The following PARP12 variants were observed in gnomAD, a reference collection of about 807,000 sequenced individuals.
The protein encoded by PARP12 is protein mono-ADP-ribosyltransferase PARP12.
PARP12 carries 59 observed loss-of-function variants against 72.4 expected under a neutral mutation model. The ratio of observed to expected loss-of-function variants is 0.81; its 90% CI spans 0.66 to 1.01. The LOEUF (loss-of-function observed/expected upper bound fraction) is 1.01, where lower values mean the gene tolerates loss of function less well. Among genes scored for constraint, PARP12 ranks in the 50% least tolerant of loss-of-function variants. The pLI, the probability that PARP12 is intolerant of heterozygous loss-of-function variation, is 0.00. For missense variants in PARP12, 851 were observed against 914.0 expected, an observed-to-expected ratio of 0.93 and a Z score of 0.89; for synonymous variants, 403 against 371.4, an observed-to-expected ratio of 1.09 and a Z score of -0.98.
chr7:140,025,149 C>T (rs745336910), intron 11 of PARP12: 13 of 480,008 alleles, frequency 2.7e-5, no homozygotes, highest in South Asian at 8.9e-5. Flanking sequence ...ATCTGCCCCA[C>T]GAAACCTAAA....
At chr7:140,045,410 G>A (rs956651678) in intron 5 of PARP12, among the ~76,000 whole-genome samples, 5 of 152,240 alleles carry the variant, frequency 3.3e-5, no homozygotes, top group East Asian at 1.9e-4. Flanking sequence ...ACCTTGTGAC[G>A]TAGAAACTAT....
At chr7:140,035,586 T>C (rs2116544940) in intron 7 of PARP12, among the ~76,000 whole-genome samples, 1 of 152,340 alleles carries the variant, frequency 6.6e-6, no homozygotes, top group South Asian at 2.1e-4. Flanking sequence ...TCTGGAATCC[T>C]GGCATTTGCC....
At chr7:140,041,133 G>A (rs1287622292) in intron 6 of PARP12, among the ~76,000 whole-genome samples, 1 of 152,192 alleles carries the variant, frequency 6.6e-6, no homozygotes, top group South Asian at 2.1e-4. Context: ...AAACACCTGC[G>A]AAGAATTGAC....
chr7:140,041,656 T>C lies in PARP12; in HGVS notation c.1170A>G (p.Glu390=). The C allele has an allele frequency of 6.2e-7, 1 of 1,613,930 alleles. No individual in the cohort carries two copies. Among genetic ancestry groups the C allele is most frequent in the Non-Finnish European group, 8.5e-7 (1 of 1,179,886 alleles). ...CCATCACACTTACCTGTCTTCCATA[T>C]TCCTGCCAAGAACCAAACTCATCAC... ...YWSDEFGSWQ[E]YGRQGTVHPV... Residue 390 remains glutamate (E), a synonymous_variant, in exon 6 of 12, where the codon GAA becomes GAG. Transcript: ENST00000263549.
At chr7:140,036,392 T>C (rs975674504) in intron 7 of PARP12, among the ~76,000 whole-genome samples, 1 of 152,126 alleles carries the variant, frequency 6.6e-6, no homozygotes, top group Admixed American at 6.5e-5. Flanking sequence ...CATGCACTGG[T>C]GTGTGTCAGG....
At chr7:140,037,575 A>C in intron 7 of PARP12, 140 bp downstream of exon 7, 5 of 1,163,468 alleles carry the variant, frequency 4.3e-6, no homozygotes, top group Non-Finnish European at 6.1e-6. Context: ...CTCCAGGTCT[A>C]CCTTGGACCT....
chr7:140,040,792 C>T (rs1206124185), intron 6 of PARP12, among the ~76,000 whole-genome samples: 3 of 152,222 alleles, frequency 2.0e-5, no homozygotes, highest in Non-Finnish European at 2.9e-5. Flanking sequence ...GAGATGGAAT[C>T]TCGCTCTTTC....
Position 140,024,464 on chromosome 7 carries a change from C to T in PARP12, c.*96G>A. 1 of 1,210,714 alleles carries T rather than the reference C, an allele frequency of 8.3e-7. No individual in the cohort carries two copies. The highest frequency in any genetic ancestry group is 1.2e-6 in the Non-Finnish European group (1 of 835,660). 75.0% of individuals were successfully genotyped at this position (1,210,714 alleles called of 1,614,324 possible). ...CATTGAGAGGTCAATGTTAAGAGAA[C>T]AGTTCATTAAAAGTTTCTGTTTAAA... On this transcript the variant is annotated 3_prime_UTR_variant, in exon 12 of 12. Coordinates refer to ENST00000263549, the MANE Select transcript of PARP12 (RefSeq NM_022750.4).
At chr7:140,037,683 G>T in intron 7 of PARP12, 32 bp downstream of exon 7, 1 of 1,608,988 alleles carries the variant, frequency 6.2e-7, no homozygotes, top group Non-Finnish European at 8.5e-7. Flanking sequence ...ACACAGGCAG[G>T]CTCTGCTGGG....
At chr7:140,045,830 G>C (rs1240129697) in intron 5 of PARP12, among the ~76,000 whole-genome samples, 2 of 152,172 alleles carry the variant, frequency 1.3e-5, no homozygotes, top group African/African-American at 4.8e-5. Context: ...TCCTCTGCCG[G>C]GAAGTGTCTG....
At chr7:140,049,130 A>G (rs1816853417) in intron 4 of PARP12, among the ~76,000 whole-genome samples, 1 of 151,850 alleles carries the variant, frequency 6.6e-6, no homozygotes, top group Admixed American at 6.6e-5. Flanking sequence ...CCCATGGAGG[A>G]GGGTGGGAGG....
intron 7 of PARP12, among the ~76,000 whole-genome samples, chr7:140,036,170 T>G (rs1302746703): frequency 6.6e-6 from 1 of 152,174 alleles, no homozygotes; most frequent in African/African-American, 2.4e-5. Flanking sequence ...CCATCCCTAT[T>G]ATGAGGTTCT....
intron 4 of PARP12, among the ~76,000 whole-genome samples, chr7:140,049,169 G>A (rs1816856673): frequency 6.6e-6 from 1 of 152,148 alleles, no homozygotes; most frequent in Non-Finnish European, 1.5e-5. Context: ...TCAGGTATGG[G>A]GCCGAGCAGA....
intron 4 of PARP12, among the ~76,000 whole-genome samples, chr7:140,049,044 A>G (rs961038034): frequency 9.9e-5 from 15 of 152,230 alleles, no homozygotes; most frequent in Non-Finnish European, 2.1e-4. Context: ...ATTTTCTAAA[A>G]TTGTGTGCAT....
rs1389723812 is a variant in PARP12 at position 140,037,845 on chromosome 7, G to A, written c.1194C>T (p.His398=). 1 of 1,608,522 alleles carries A rather than the reference G, an allele frequency of 6.2e-7. No homozygotes were observed. Among genetic ancestry groups the A allele is most frequent in the Non-Finnish European group, 8.5e-7 (1 of 1,175,318 alleles). Residue 398 remains histidine, a synonymous_variant, in exon 7 of 12, where the codon CAC becomes CAT. Coordinates refer to ENST00000263549, the MANE Select transcript of PARP12 (RefSeq NM_022750.4). ...WQEYGRQGTV[H]PVTTVSSSDV... ...CGCTACTGCTGACAGTGGTCACAGGGTGCACCGTGCCCTGCGATGGAAAGC... is the reference window on the plus strand; with the variant it reads ...CGCTACTGCTGACAGTGGTCACAGGATGCACCGTGCCCTGCGATGGAAAGC...
At chr7:140,052,533 T>C (rs1817006700) in intron 4 of PARP12, among the ~76,000 whole-genome samples, 1 of 152,212 alleles carries the variant, frequency 6.6e-6, no homozygotes, top group Non-Finnish European at 1.5e-5. Flanking sequence ...TGTTCTTGCT[T>C]CAACTGCAGC....
chr7:140,030,598 A>AC (rs1815902741), intron 8 of PARP12, among the ~76,000 whole-genome samples: 1 of 142,300 alleles, frequency 7.0e-6, no homozygotes, highest in Non-Finnish European at 1.5e-5. Flanking sequence ...TCCATCTCAA[A>AC]ATACATACAT....
Position 140,035,993 on chromosome 7 carries a change from GAGGAGGAGAAGGAGGAGAAGGAGGAGA to G in PARP12, c.1325-1689_1325-1663del, listed in dbSNP as rs1167834142. Among the ~76,000 whole-genome samples the G allele has an allele frequency of 2.7e-3, 146 of 54,100 alleles. 19 individuals carry two copies. Among genetic ancestry groups the G allele is most frequent in the African/African-American group, 0.014 (85 of 5,926 alleles). The allele number at this position is 54,100 out of a possible 152,430, so 35.5% of individuals were successfully genotyped here. ...GGACGAGGAGGAGGAGGAGGAGGAGGAGGAGGAGAAGGAGGAGAAGGAGGAGAAGGAGGAGAAGGAGGAGAAGGAGGA... is the reference window on the plus strand; with the variant it reads ...GGACGAGGAGGAGGAGGAGGAGGAGGAGGAGGAGAAGGAGGAGAAGGAGGA... On this transcript the variant is annotated intron_variant, in intron 7 of 11. Coordinates refer to ENST00000263549, the MANE Select transcript of PARP12 (RefSeq NM_022750.4).
At chr7:140,027,977 T>C (rs1433431656) in intron 9 of PARP12, among the ~76,000 whole-genome samples, 1 of 152,214 alleles carries the variant, frequency 6.6e-6, no homozygotes. Context: ...TGTTGGCATC[T>C]GCATGTGCCT....
Sources: allele counts gnomAD v4.1 joint callset (sites outside exome capture counted in the v4.1 genomes callset), GRCh38; gene constraint gnomAD v4.1.1; transcripts MANE v1.5; gene names NCBI Gene and HGNC (gene_info 2026-07-23, HGNC 2026-07-21).